The following PTPRN2 variants were observed in gnomAD, a reference collection of about 807,000 sequenced individuals.
The protein encoded by PTPRN2 is protein tyrosine phosphatase receptor type N2, also known as receptor-type tyrosine-protein phosphatase N2.
Under a neutral mutation model 118.8 loss-of-function variants are expected in PTPRN2, and 74 were observed. That is an observed-to-expected ratio of 0.62 (90% confidence interval 0.52 to 0.76). PTPRN2 has a LOEUF of 0.76. Ranked by LOEUF, PTPRN2 falls within the 30% of genes least tolerant of loss-of-function variation. The pLI is 0.00. For missense variants in PTPRN2, 1,481 were observed against 1,394.4 expected, an observed-to-expected ratio of 1.06 and a Z score of -0.99; for synonymous variants, 641 against 608.0, an observed-to-expected ratio of 1.05 and a Z score of -0.80.
intron 2 of PTPRN2, among the ~76,000 whole-genome samples, chr7:158,376,811 T>C (rs1254199545): frequency 2.9e-4 from 22 of 74,858 alleles, no homozygotes; most frequent in Admixed American, 4.3e-4. Flanking sequence ...CAGGGGACTC[T>C]CCCACATCCC....
rs567441469 is a variant in PTPRN2 at position 158,274,515 on chromosome 7, C to CA, written c.277+42303_277+42304insT. 3.6e-3 allele frequency among the ~76,000 whole-genome samples: 393 copies of CA among 108,282 alleles called. 1 individual carries two copies. The highest frequency in any genetic ancestry group is 0.012 in the African/African-American group (366 of 30,686). 71.0% of individuals were successfully genotyped at this position (108,282 alleles called of 152,430 possible). A position where few individuals can be genotyped will look rare whatever the true frequency, so the allele number is the denominator to read the frequency against. On this transcript the variant is annotated intron_variant, in intron 3 of 22. Coordinates refer to ENST00000389418, the MANE Select transcript of PTPRN2 (RefSeq NM_002847.5). ...GCAGGCACAGGGGGAGCCACAGGCA[C>CA]GGGGGAGCCGCAGGCACAGGGGGAG...
At chr7:158,530,197 C>T (rs1004477160) in intron 1 of PTPRN2, among the ~76,000 whole-genome samples, 1 of 152,122 alleles carries the variant, frequency 6.6e-6, no homozygotes, top group Non-Finnish European at 1.5e-5. Context: ...CCTGTCGATC[C>T]AAAATACAAT....
chr7:157,661,981 C>T (rs13438387), intron 13 of PTPRN2, among the ~76,000 whole-genome samples: 7 of 151,960 alleles, frequency 4.6e-5, no homozygotes, highest in Admixed American at 1.3e-4. Context: ...ACAGGTATGT[C>T]TTCAGAGGAG....
chr7:158,138,296 G>A lies in PTPRN2; in HGVS notation c.1130C>T (p.Pro377Leu). Residue 377 changes from proline to leucine, a missense_variant and splice_region_variant, in exon 7 of 23, where the codon CCA (proline) becomes CTA (leucine). Pro to Leu is a moderately conservative substitution (Grantham distance 98). Transcript: ENST00000389418. Reference sequence around the variant, plus strand: ...GGCACCCATGGCGCTGCAGTCACCTGGAAAGCTGTCTCCACGGAGGGTGGC... The same window carrying A: ...GGCACCCATGGCGCTGCAGTCACCTAGAAAGCTGTCTCCACGGAGGGTGGC... ...PKATLRGDSF[P>L]DDGVQDDDDR... The A allele has an allele frequency of 3.7e-6, 6 of 1,612,548 alleles. No homozygotes were observed. Among genetic ancestry groups the A allele is most frequent in the Non-Finnish European group, 5.1e-6 (6 of 1,179,940 alleles).
chr7:157,544,895 TGTG>T (rs576263774), intron 22 of PTPRN2, among the ~76,000 whole-genome samples: 302 of 142,108 alleles, frequency 2.1e-3, no homozygotes, highest in African/African-American at 7.3e-3. Context: ...GGTGTGTAGG[TGTG>T]TGTGGGTGTG....
At chr7:158,071,179 A>ATGGAGGTGCTCATGGTGG (rs1337254960) in intron 11 of PTPRN2, among the ~76,000 whole-genome samples, 1 of 3,368 alleles carries the variant, frequency 3.0e-4, no homozygotes, top group African/African-American at 1.2e-3. Context: ...TGCTCTTAGT[A>ATGGAGGTGCTCATGGTGG]TGGAGGTGCT....
At chr7:157,592,790 T>C (rs1340965869) in intron 17 of PTPRN2, among the ~76,000 whole-genome samples, 2,163 of 49,434 alleles carry the variant, frequency 0.044, no homozygotes, top group Middle Eastern at 0.15. Flanking sequence ...TGGGCATCAT[T>C]GTGGTCGTTG....
chr7:157,771,393 T>A (rs1214637971), intron 12 of PTPRN2, among the ~76,000 whole-genome samples: 1 of 152,224 alleles, frequency 6.6e-6, no homozygotes, highest in Non-Finnish European at 1.5e-5. Context: ...CCTGTCTCCA[T>A]CTCTGATATA....
At chr7:157,641,578 T>C (rs1414666937) in intron 14 of PTPRN2, among the ~76,000 whole-genome samples, 1 of 152,118 alleles carries the variant, frequency 6.6e-6, no homozygotes, top group Non-Finnish European at 1.5e-5. Context: ...GTTCACAGGA[T>C]GTAATGCTGG....
Position 158,525,285 on chromosome 7 carries a change from A to C in PTPRN2, c.113-35500T>G, listed in dbSNP as rs1002218004. Reference sequence around the variant, plus strand: ...TATTTTGGAAACTGGGCATCTGCCAAGGAGAACACACGGCCCCCTAATGTG... The same window carrying C: ...TATTTTGGAAACTGGGCATCTGCCACGGAGAACACACGGCCCCCTAATGTG... On this transcript the variant is annotated intron_variant, in intron 1 of 22. Transcript: ENST00000389418. The surrounding 1 kb of genome is among the most constrained non-coding windows in gnomAD (Gnocchi z 4.1). 6.6e-6 allele frequency among the ~76,000 whole-genome samples: 1 copy of C among 152,196 alleles called. No homozygotes were observed. Among genetic ancestry groups the C allele is most frequent in the Non-Finnish European group, 1.5e-5 (1 of 68,036 alleles).
At chr7:158,223,587 A>C (rs953159797) in intron 3 of PTPRN2, among the ~76,000 whole-genome samples, 1 of 152,214 alleles carries the variant, frequency 6.6e-6, no homozygotes, top group Non-Finnish European at 1.5e-5. Context: ...CAATCGATGC[A>C]GAAAAGACAT....
intron 5 of PTPRN2, among the ~76,000 whole-genome samples, chr7:158,170,134 G>A (rs2150604847): frequency 6.6e-6 from 1 of 152,344 alleles, no homozygotes; most frequent in South Asian, 2.1e-4. Context: ...GCAAGAGCGT[G>A]AGAAAGAGCG....
chr7:157,840,287 C>CTG (rs1808304642), intron 12 of PTPRN2, among the ~76,000 whole-genome samples: 1 of 131,494 alleles, frequency 7.6e-6, no homozygotes, highest in Non-Finnish European at 1.6e-5. Flanking sequence ...GACTGTGTGA[C>CTG]CGTGTGACTG....
intron 2 of PTPRN2, among the ~76,000 whole-genome samples, chr7:158,381,062 T>C (rs1164932847): frequency 6.6e-6 from 1 of 152,316 alleles, no homozygotes; most frequent in East Asian, 1.9e-4. Context: ...CACTTTTTCC[T>C]CCTGGGCCTC....
chr7:158,056,113 C>G (rs1809768531), intron 11 of PTPRN2, among the ~76,000 whole-genome samples: 1 of 152,228 alleles, frequency 6.6e-6, no homozygotes, highest in Non-Finnish European at 1.5e-5. Flanking sequence ...CAGACCTTCT[C>G]CCACACACTC....
intron 9 of PTPRN2, among the ~76,000 whole-genome samples, chr7:158,113,266 A>G (rs944698832): frequency 6.6e-6 from 1 of 152,042 alleles, no homozygotes; most frequent in Non-Finnish European, 1.5e-5. Flanking sequence ...GGCTGTAGGG[A>G]CCTGCAGCCT....
At chr7:158,417,245 G>A (rs115681075) in intron 2 of PTPRN2, among the ~76,000 whole-genome samples, 3,564 of 151,024 alleles carry the variant, frequency 0.024, 162 homozygotes, top group African/African-American at 0.081. Context: ...TCAGTGTCCT[G>A]CTGTGTTAAG....
chr7:157,722,346 T>C (rs113089581), intron 12 of PTPRN2, among the ~76,000 whole-genome samples: 4 of 152,236 alleles, frequency 2.6e-5, no homozygotes, highest in African/African-American at 9.6e-5. Context: ...ACAGAAGACA[T>C]GGTCTCTCAG....
intron 9 of PTPRN2, among the ~76,000 whole-genome samples, chr7:158,127,591 C>T (rs1481994355): frequency 6.6e-6 from 1 of 152,212 alleles, no homozygotes; most frequent in African/African-American, 2.4e-5. Flanking sequence ...CCTCAGCTCC[C>T]ATGTTTTCCT....
Sources: gnomAD v4.1 joint callset for allele counts (sites outside exome capture counted in the v4.1 genomes callset) on GRCh38, gnomAD v4.1.1 for gene constraint, Gnocchi (gnomAD v3.1) non-coding constraint, MANE v1.5 for transcripts, NCBI Gene and HGNC (gene_info 2026-07-23, HGNC 2026-07-21) for gene names.